The following FGFR3 variants were observed in gnomAD, a reference collection of about 807,000 sequenced individuals.
FGFR3 encodes FGFR-3.
Under a neutral mutation model 82.9 loss-of-function variants are expected in FGFR3, and 25 were observed. The observed-to-expected ratio is 0.30, with a 90% CI of 0.22 to 0.42. The LOEUF is 0.42. FGFR3 is among the 10% of genes least tolerant of loss of function. The pLI is 1.00. For missense variants in FGFR3, 1,026 were observed against 1,161.0 expected (o/e 0.88, Z 1.69); for synonymous variants, 620 against 516.0 (o/e 1.20, Z -2.73).
At chr4:1,805,528 G>T (rs375695682) in intron 11 of FGFR3, 31 bp from the exon 12 acceptor site, 3 of 1,612,504 alleles carry the variant, frequency 1.9e-6, no homozygotes, top group African/African-American at 2.7e-5. Flanking sequence ...CGCCGCCGCC[G>T]CCTGACACAG....
Position 1,807,450 on chromosome 4 carries a change from T to C in FGFR3, c.*188T>C. 1.1e-6 allele frequency: 1 copy of C among 916,686 alleles called. No homozygotes were observed. Among genetic ancestry groups the C allele is most frequent in the Non-Finnish European group, 1.7e-6 (1 of 582,044 alleles). 56.8% of individuals were successfully genotyped at this position (916,686 alleles called of 1,614,324 possible). A position where few individuals can be genotyped will look rare whatever the true frequency, so the allele number is the denominator to read the frequency against. ...CCGCGTGTGCCTGTGTGCGTGCGCA[T>C]CTTGCCTCCAGGTGCAGAGGTACCC... On this transcript the variant is annotated 3_prime_UTR_variant, in exon 18 of 18. Coordinates refer to ENST00000440486, the MANE Select transcript of FGFR3 (RefSeq NM_000142.5).
Position 1,806,669 on chromosome 4 carries a change from C to G in FGFR3, c.2154C>G (p.Asn718Lys), listed in dbSNP as rs2108812583. 12 of 1,612,810 alleles carry G rather than the reference C, an allele frequency of 7.4e-6. No individual in the cohort carries two copies. The highest frequency in any genetic ancestry group is 9.3e-6 in the Non-Finnish European group (11 of 1,179,950). ...GCCACCGCATGGACAAGCCCGCCAACTGCACACACGACCTGTGAGTGGCAT... is the reference window on the plus strand; with the variant it reads ...GCCACCGCATGGACAAGCCCGCCAAGTGCACACACGACCTGTGAGTGGCAT... Reference protein sequence around the residue: ...KEGHRMDKPANCTHDLYMIMR... With the variant: ...KEGHRMDKPAKCTHDLYMIMR... The change falls in exon 16 of 18, where the codon AAC becomes AAG. Residue 718 changes from asparagine to lysine, a missense_variant. Around this residue, in one of 9 missense-constraint regions of FGFR3, gnomAD observed 155 missense variants for 150.2 expected, o/e 1.03. Coordinates refer to ENST00000440486, the MANE Select transcript of FGFR3 (RefSeq NM_000142.5).
chr4:1,804,658 C>G (rs1314578487), intron 9 of FGFR3, 138 bp downstream of exon 9: 1 of 1,411,428 alleles, frequency 7.1e-7, no homozygotes, highest in African/African-American at 1.4e-5. Flanking sequence ...TCTCTGCTCA[C>G]CATGTAGAGC....
chr4:1,795,000 C>T (rs1336139500), intron 2 of FGFR3, among the ~76,000 whole-genome samples: 1 of 151,684 alleles, frequency 6.6e-6, no homozygotes, highest in Non-Finnish European at 1.5e-5. Context: ...TGTGAGCGAC[C>T]GCGGGCGCGG....
intron 2 of FGFR3, among the ~76,000 whole-genome samples, chr4:1,797,353 G>T (rs556212390): frequency 1.3e-5 from 2 of 152,284 alleles, no homozygotes; most frequent in South Asian, 4.1e-4. Flanking sequence ...CCCTGCTGGG[G>T]TACCCTGGCC....
intron 10 of FGFR3, 64 bp from the exon 11 acceptor site, chr4:1,805,291 G>C: frequency 6.3e-7 from 1 of 1,599,534 alleles, no homozygotes; most frequent in Non-Finnish European, 8.5e-7. Flanking sequence ...GCTGGGGTGG[G>C]GACCGTGGTG....
chr4:1,799,367 G>A lies in FGFR3; in HGVS notation c.223G>A (p.Val75Ile). 2 of 1,612,608 alleles carry A rather than the reference G, an allele frequency of 1.2e-6. No homozygotes were observed. Among genetic ancestry groups the A allele is most frequent in the South Asian group, 1.1e-5 (1 of 91,076 alleles). ...GGGPMGPTVW[V>I]KDGTGLVPSE... Reference sequence around the variant, plus strand: ...TGGTCCCATGGGGCCCACTGTCTGGGTCAAGGATGGCACAGGGCTGGTGCC... The same window carrying A: ...TGGTCCCATGGGGCCCACTGTCTGGATCAAGGATGGCACAGGGCTGGTGCC... The change falls in exon 3 of 18, where the codon GTC (valine) becomes ATC (isoleucine). Residue 75 changes from valine (V) to isoleucine (I), a missense_variant. Physicochemically the swap from Val to Ile is conservative, Grantham distance 29. Coordinates refer to ENST00000440486, the MANE Select transcript of FGFR3 (RefSeq NM_000142.5).
chr4:1,798,524 C>T (rs1001467834), intron 2 of FGFR3, among the ~76,000 whole-genome samples: 1 of 150,984 alleles, frequency 6.6e-6, no homozygotes, highest in Non-Finnish European at 1.5e-5. Flanking sequence ...TTGCCCACCC[C>T]AAGGAGCCCC....
chr4:1,798,095 C>T (rs1352711756), intron 2 of FGFR3, among the ~76,000 whole-genome samples: 1 of 152,066 alleles, frequency 6.6e-6, no homozygotes, highest in Non-Finnish European at 1.5e-5. Flanking sequence ...AGCCTAGGGG[C>T]GATTGTCCCC....
At chr4:1,803,363 C>T (rs1004759260) in intron 7 of FGFR3, among the ~76,000 whole-genome samples, 3 of 152,218 alleles carry the variant, frequency 2.0e-5, no homozygotes, top group African/African-American at 7.2e-5. Context: ...CACCCCTGCC[C>T]GCTGCCTGCT....
chr4:1,801,746 G>T lies in FGFR3; in HGVS notation c.739+3G>T. On this transcript the variant is annotated splice_donor_region_variant and intron_variant, in intron 6 of 17. Transcript: ENST00000440486. ...GACGTACACGCTGGACGTGCTGGGT[G>T]AGGGCCCTGGGGCGGCGCGGGGGTG... The T allele has an allele frequency of 6.2e-7, 1 of 1,602,340 alleles. No homozygotes were observed.
rs763145062 is a variant in FGFR3 at position 1,807,403 on chromosome 4, G to GTGTGCC, written c.*145_*146insCCTGTG. 16 of 364,274 alleles carry GTGTGCC rather than the reference G, an allele frequency of 4.4e-5. No individual in the cohort carries two copies. The highest frequency in any genetic ancestry group is 1.4e-4 in the Admixed American group (1 of 7,000). 22.6% of individuals were successfully genotyped at this position (364,274 alleles called of 1,614,324 possible). On this transcript the variant is annotated 3_prime_UTR_variant, in exon 18 of 18. Transcript: ENST00000440486. ...TTGGTCTGTGTGTGTGTGTGTGCGTGTGTGTGTGTGTGTGTGCACATCCGC... is the reference window on the plus strand; with the variant it reads ...TTGGTCTGTGTGTGTGTGTGTGCGTGTGTGCCTGTGTGTGTGTGTGTGCACATCCGC...
At chr4:1,802,123 G>A in intron 7 of FGFR3, 98 bp downstream of exon 7, 1 of 1,351,010 alleles carries the variant, frequency 7.4e-7, no homozygotes, top group Non-Finnish European at 1.0e-6. Flanking sequence ...TTGGGTCTAG[G>A]GGTTGGAGCT....
At position 1,804,922 on chromosome 4, in the gene FGFR3, C is replaced by T. The variant is rs376488233; in HGVS notation, c.1365C>T (p.Ser455=). 48 of 1,549,502 alleles carry T rather than the reference C, an allele frequency of 3.1e-5. No homozygotes were observed. The highest frequency in any genetic ancestry group is 4.1e-5 in the African/African-American group (3 of 72,962). Residue 455 remains serine (S), a synonymous_variant, in exon 10 of 18, where the codon TCC becomes TCT. Coordinates refer to ENST00000440486, the MANE Select transcript of FGFR3 (RefSeq NM_000142.5). ...SGEGPTLANV[S]ELELPADPKW... Reference sequence around the variant, plus strand: ...AGGGCCCCACGCTGGCCAATGTCTCCGAGCTCGAGCTGCCTGCCGACCCCA... The same window carrying T: ...AGGGCCCCACGCTGGCCAATGTCTCTGAGCTCGAGCTGCCTGCCGACCCCA...
At chr4:1,796,686 C>T (rs999206199) in intron 2 of FGFR3, among the ~76,000 whole-genome samples, 3 of 152,160 alleles carry the variant, frequency 2.0e-5, no homozygotes, top group Non-Finnish European at 4.4e-5. Context: ...ACTGCAGAGA[C>T]CCAGAGCCTG....
In FGFR3 at chr4:1,807,582, G is replaced by A. The variant is rs150943855; in HGVS notation, c.*320G>A. Reference sequence around the variant, plus strand: ...AGAATGTAAGTGGGCCCACCCGGTGGGACCCCCGTGGGGCAGGGAGCTGGG... The same window carrying A: ...AGAATGTAAGTGGGCCCACCCGGTGAGACCCCCGTGGGGCAGGGAGCTGGG... On this transcript the variant is annotated 3_prime_UTR_variant, in exon 18 of 18. Coordinates refer to ENST00000440486, the MANE Select transcript of FGFR3 (RefSeq NM_000142.5). 1.5e-6 allele frequency: 1 copy of A among 685,018 alleles called. No homozygotes were observed. 42.4% of individuals were successfully genotyped at this position (685,018 alleles called of 1,614,324 possible).
chr4:1,804,072 T>C lies in FGFR3; in HGVS notation c.1075+236T>C, dbSNP rs3135888. 0.031 allele frequency among the ~76,000 whole-genome samples: 4,756 copies of C among 152,276 alleles called. 271 individuals are homozygous for C. The highest frequency in any genetic ancestry group is 0.11 in the African/African-American group (4,559 of 41,550). Reference sequence around the variant, plus strand: ...CTTCCCATCTGGGTCCCCAAAGGCCTCTCCTGTGGCTCTGGTGTCTCCCGG... The same window carrying C: ...CTTCCCATCTGGGTCCCCAAAGGCCCCTCCTGTGGCTCTGGTGTCTCCCGG... On this transcript the variant is annotated intron_variant, in intron 8 of 17. Transcript: ENST00000440486.
intron 9 of FGFR3, 52 bp downstream of exon 9, chr4:1,804,572 G>A (rs760548599): frequency 4.4e-6 from 7 of 1,601,766 alleles, no homozygotes; most frequent in South Asian, 1.1e-5. Context: ...CAGGCCTCCT[G>A]GAGCCCCACC....
Position 1,801,966 on chromosome 4 carries a change from G to A in FGFR3, c.871G>A (p.Val291Met), listed in dbSNP as rs1004751192. 3.1e-6 allele frequency: 5 copies of A among 1,612,702 alleles called. No homozygotes were observed. Among genetic ancestry groups the A allele is most frequent in the Non-Finnish European group, 4.2e-6 (5 of 1,179,874 alleles). ...AQPHIQWLKHVEVNGSKVGPD... is the reference protein window; with the variant it reads ...AQPHIQWLKHMEVNGSKVGPD... The stretch of plus-strand genomic sequence containing the variant: ...GCCCCACATCCAGTGGCTCAAGCAC[G>A]TGGAGGTGAATGGCAGCAAGGTGGG... The change falls in exon 7 of 18, where the codon GTG becomes ATG. Residue 291 changes from valine to methionine, a missense_variant. Physicochemically the swap from Val to Met is conservative, Grantham distance 21. This residue lies in a region of FGFR3 where 147 missense variants were observed against 228.1 expected (regional missense o/e 0.64). Transcript: ENST00000440486.
Sources: allele counts gnomAD v4.1 joint callset (sites outside exome capture counted in the v4.1 genomes callset), GRCh38; gene constraint gnomAD v4.1.1; regional missense constraint gnomAD v4.1.1; transcripts MANE v1.5; gene names NCBI Gene and HGNC (gene_info 2026-07-23, HGNC 2026-07-21).